The following LAMA1 variants were observed in gnomAD, a reference collection of about 807,000 sequenced individuals.
LAMA1 encodes the protein laminin subunit alpha 1.
Under a neutral mutation model 348.7 loss-of-function variants are expected in LAMA1, and 219 were observed. The ratio of observed to expected loss-of-function variants is 0.63; its 90% CI spans 0.56 to 0.70. The LOEUF (loss-of-function observed/expected upper bound fraction) is 0.70, where lower values mean the gene tolerates loss of function less well. Among genes scored for constraint, LAMA1 ranks in the 30% least tolerant of loss-of-function variants. The pLI is 0.00. For synonymous variants in LAMA1, 1,487 were observed against 1,491.0 expected, an observed-to-expected ratio of 1.00 and a Z score of 0.06; for missense variants, 3,744 against 3,888.0, an observed-to-expected ratio of 0.96 and a Z score of 0.99.
chr18:6,954,762 G>A, intron 57 of LAMA1: 1 of 178,130 alleles, frequency 5.6e-6, no homozygotes, highest in Admixed American at 5.4e-5. Context: ...CACAGCCAAT[G>A]ACAACAAGAC....
chr18:6,955,365 G>A lies in LAMA1; in HGVS notation c.8195C>T (p.Ala2732Val). The A allele has an allele frequency of 1.2e-6, 2 of 1,613,740 alleles. No individual in the cohort carries two copies. The highest frequency in any genetic ancestry group is 8.5e-7 in the Non-Finnish European group (1 of 1,179,744). The change falls in exon 57 of 63, where the codon GCT (alanine) becomes GTT (valine). Residue 2732 changes from alanine to valine, a missense_variant. Transcript: ENST00000389658. Reference protein sequence around the residue: ...SHFILPFNQSAVRKKLSVELS... With the variant: ...SHFILPFNQSVVRKKLSVELS... The stretch of plus-strand genomic sequence containing the variant: ...GAATGATACCTACTTCTTTCTGACA[G>A]CCGACTGATTAAAAGGCAAGATGAA...
chr18:7,099,761 C>A (rs2058283755), intron 1 of LAMA1, among the ~76,000 whole-genome samples: 1 of 151,412 alleles, frequency 6.6e-6, no homozygotes, highest in Admixed American at 6.6e-5. Context: ...ATTAAGAAAA[C>A]AAAAAGACAA....
chr18:6,997,998 A>G lies in LAMA1; in HGVS notation c.4664-114T>C. ...AAAATGACACATGCGGTCAGAGTAC[A>G]CTCCAAGACCCCGTGCACCACATCT... On this transcript the variant is annotated intron_variant, in intron 32 of 62. Coordinates refer to ENST00000389658, the MANE Select transcript of LAMA1 (RefSeq NM_005559.4). 7 of 897,398 alleles carry G rather than the reference A, an allele frequency of 7.8e-6. No homozygotes were observed. In the South Asian group the frequency reaches 9.4e-5, roughly 12 times the overall value. 55.6% of individuals were successfully genotyped at this position (897,398 alleles called of 1,614,324 possible).
intron 3 of LAMA1, among the ~76,000 whole-genome samples, chr18:7,056,419 G>A (rs555607454): frequency 7.9e-5 from 12 of 152,244 alleles, no homozygotes; most frequent in African/African-American, 2.2e-4. Flanking sequence ...TACCACGTGC[G>A]TGTTAAGAGC....
intron 41 of LAMA1, 42 bp from the exon 42 acceptor site, chr18:6,980,679 C>T (rs370885358): frequency 1.5e-5 from 20 of 1,309,864 alleles, no homozygotes; most frequent in Middle Eastern, 4.7e-4. Context: ...GGTTAGCCTA[C>T]AAAAAAGTTG....
chr18:7,000,956 T>C (rs1394616854), intron 30 of LAMA1, among the ~76,000 whole-genome samples: 1 of 152,240 alleles, frequency 6.6e-6, no homozygotes, highest in Non-Finnish European at 1.5e-5. Context: ...CTCTTCCTGA[T>C]AGCACAAACT....
At position 7,075,620 on chromosome 18, in the gene LAMA1, T is replaced by C. The variant is rs1444815243; in HGVS notation, c.345+4355A>G. 1.9e-4 allele frequency among the ~76,000 whole-genome samples: 28 copies of C among 146,236 alleles called. No individual in the cohort carries two copies. In the East Asian group the frequency reaches 3.9e-3, roughly 20 times the overall value. On this transcript the variant is annotated intron_variant, in intron 3 of 62. Transcript: ENST00000389658. ...TCTGGGAAACAAGAGCGAAACTCCG[T>C]CTCAAAAAAAAAATAACGGAAGAAA... is the stretch of plus-strand genomic sequence containing the variant.
At chr18:7,075,755 T>A (rs2058165283) in intron 3 of LAMA1, among the ~76,000 whole-genome samples, 1 of 151,916 alleles carries the variant, frequency 6.6e-6, no homozygotes, top group Admixed American at 6.6e-5. Context: ...CTGGGCAACA[T>A]GATGAAACCA....
At position 6,943,043 on chromosome 18, in the gene LAMA1, T is replaced by C. The variant is rs184625516; in HGVS notation, c.9067+137A>G. 692 of 745,032 alleles carry C rather than the reference T, an allele frequency of 9.3e-4. 6 individuals are homozygous for C. Among genetic ancestry groups the C allele is most frequent in the Non-Finnish European group, 1.6e-4 (68 of 425,080 alleles). 46.2% of individuals were successfully genotyped at this position (745,032 alleles called of 1,614,324 possible). ...TCCAAGAATTCTTAGATATTTGAAA[T>C]AGCCTTTCTAAAATGGTAAAGGATT... On this transcript the variant is annotated intron_variant, in intron 62 of 62. Transcript: ENST00000389658.
Position 6,950,878 on chromosome 18 carries a change from C to G in LAMA1, c.8301G>C (p.Gln2767His), listed in dbSNP as rs751603594. The G allele has an allele frequency of 3.1e-6, 5 of 1,614,166 alleles. No homozygotes were observed. The highest frequency in any genetic ancestry group is 4.2e-6 in the Non-Finnish European group (5 of 1,180,052). ...HQNQADYAVLQLHGGRLHFMF... is the reference protein window; with the variant it reads ...HQNQADYAVLHLHGGRLHFMF... ...TGAAGTGGAGGCGGCCCCCGTGCAGCTGGAGCACAGCGTAGTCTGCTTGGT... is the reference window on the plus strand; with the variant it reads ...TGAAGTGGAGGCGGCCCCCGTGCAGGTGGAGCACAGCGTAGTCTGCTTGGT... Residue 2767 changes from glutamine (Q) to histidine (H), a missense_variant, in exon 58 of 63, where the codon CAG becomes CAC. Gln to His is a conservative substitution (Grantham distance 24). Coordinates refer to ENST00000389658, the MANE Select transcript of LAMA1 (RefSeq NM_005559.4).
At chr18:7,107,598 G>A (rs1434739945) in intron 1 of LAMA1, among the ~76,000 whole-genome samples, 2 of 152,088 alleles carry the variant, frequency 1.3e-5, no homozygotes. Flanking sequence ...GTCCCAAAGT[G>A]TCTTCAGTGC....
At chr18:7,013,185 CG>C (rs1401883597) in intron 23 of LAMA1, among the ~76,000 whole-genome samples, 1 of 151,808 alleles carries the variant, frequency 6.6e-6, no homozygotes, top group Non-Finnish European at 1.5e-5. Flanking sequence ...AGGCCGAAAA[CG>C]GGGAGACTGA....
intron 55 of LAMA1, chr18:6,957,122 A>C: frequency 3.1e-6 from 1 of 327,562 alleles, no homozygotes; most frequent in South Asian, 2.7e-5. Flanking sequence ...CTGCACAGTG[A>C]CCTCCACGAA....
In LAMA1 at chr18:6,975,974, G is replaced by A; in HGVS notation, c.6452C>T (p.Pro2151Leu). Residue 2151 changes from proline (P) to leucine (L), a missense_variant, in exon 45 of 63, where the codon CCC becomes CTC. Physicochemically the swap from Pro to Leu is moderately conservative, Grantham distance 98. Coordinates refer to ENST00000389658, the MANE Select transcript of LAMA1 (RefSeq NM_005559.4). ...ACCGAGGTAGAAGAGAAGATTATCG[G>A]GTTCCTGTGTCTTAACATTTAGTGT... ...TLTLNVKTQE[P>L]DNLLFYLGSS... 1.2e-6 allele frequency: 2 copies of A among 1,614,180 alleles called. No homozygotes were observed. The highest frequency in any genetic ancestry group is 1.3e-5 in the African/African-American group (1 of 75,048).
In LAMA1 at chr18:7,023,699, G is replaced by A. The variant is rs1487150336; in HGVS notation, c.2490-324C>T. On this transcript the variant is annotated intron_variant, in intron 18 of 62. Transcript: ENST00000389658. ...AGCTGGGCACTGAGACGCACACATA[G>A]GAAAGACAGCACTGGCCTTCAGGAG... 2.0e-5 allele frequency among the ~76,000 whole-genome samples: 3 copies of A among 152,128 alleles called. No homozygotes were observed. The East Asian group carries it at 5.8e-4, about 29-fold the overall frequency.
intron 19 of LAMA1, 59 bp downstream of exon 19, chr18:7,023,105 C>T (rs1372414436): frequency 5.2e-6 from 8 of 1,546,106 alleles, no homozygotes; most frequent in South Asian, 4.7e-5. Context: ...TGTGACTATA[C>T]GGTTGAAGAC....
At chr18:7,107,766 G>A (rs1456454612) in intron 1 of LAMA1, among the ~76,000 whole-genome samples, 1 of 152,162 alleles carries the variant, frequency 6.6e-6, no homozygotes, top group African/African-American at 2.4e-5. Context: ...TGTAATCCCA[G>A]CACTTTGGGA....
intron 1 of LAMA1, among the ~76,000 whole-genome samples, chr18:7,110,658 C>T (rs1450861524): frequency 6.6e-6 from 1 of 152,042 alleles, no homozygotes; most frequent in Non-Finnish European, 1.5e-5. Flanking sequence ...CCCATATCTA[C>T]TAAAAATATA....
At chr18:7,016,398 G>C (rs1332886896) in intron 21 of LAMA1, 93 bp downstream of exon 21, 1 of 1,370,994 alleles carries the variant, frequency 7.3e-7, no homozygotes, top group Non-Finnish European at 1.0e-6. Flanking sequence ...AAAAGTAAAG[G>C]CACTTAACCA....
Sources: gnomAD v4.1 joint callset for allele counts (sites outside exome capture counted in the v4.1 genomes callset) on GRCh38, gnomAD v4.1.1 for gene constraint, MANE v1.5 for transcripts, NCBI Gene and HGNC (gene_info 2026-07-23, HGNC 2026-07-21) for gene names.